DCAF17: variants seen among roughly 807,000 people sequenced by gnomAD.
The protein encoded by DCAF17 is DDB1 and CUL4 associated factor 17.
DCAF17 carries 48 observed loss-of-function variants against 66.0 expected under a neutral mutation model. That is an observed-to-expected ratio of 0.73 (90% confidence interval 0.58 to 0.92). DCAF17 has a LOEUF of 0.92. Ranked by LOEUF, DCAF17 falls within the 40% of genes least tolerant of loss-of-function variation. The pLI, the probability that DCAF17 is intolerant of heterozygous loss-of-function variation, is 0.00. For missense variants in DCAF17, 562 were observed against 622.8 expected, an observed-to-expected ratio of 0.90 and a Z score of 1.04; for synonymous variants, 206 against 214.6, an observed-to-expected ratio of 0.96 and a Z score of 0.35.
Position 171,484,649 on chromosome 2 carries a change from C to G in DCAF17, c.*3535C>G, listed in dbSNP as rs1221656402. ...ATCTTAAGTATAAATTTACTGAGTT[C>G]TTGCAGACATATACACCTGTGTAAC... is the stretch of plus-strand genomic sequence containing the variant. On this transcript the variant is annotated 3_prime_UTR_variant, in exon 14 of 14. Transcript: ENST00000375255. 2.2e-6 allele frequency: 1 copy of G among 453,732 alleles called. No individual in the cohort carries two copies. The highest frequency in any genetic ancestry group is 4.4e-6 in the Non-Finnish European group (1 of 226,676). The allele number at this position is 453,732 out of a possible 1,614,324, so 28.1% of individuals were successfully genotyped here.
At chr2:171,450,493 A>C (rs149975124) in intron 5 of DCAF17, among the ~76,000 whole-genome samples, 115 of 152,220 alleles carry the variant, frequency 7.6e-4, no homozygotes, top group African/African-American at 2.5e-3. Context: ...CCCAGGATTT[A>C]CTAGATTTTA....
At chr2:171,480,330 T>C in intron 13 of DCAF17, 137 bp downstream of exon 13, 1 of 1,094,132 alleles carries the variant, frequency 9.1e-7, no homozygotes, top group East Asian at 2.6e-5. Flanking sequence ...TTGTCCTATA[T>C]ACAGGACAAA....
At chr2:171,460,797 A>T (rs1400375924) in intron 8 of DCAF17, among the ~76,000 whole-genome samples, 2 of 152,030 alleles carry the variant, frequency 1.3e-5, no homozygotes, top group East Asian at 3.9e-4. Context: ...CATCCGCCCA[A>T]AGTGCTGGGA....
Position 171,448,667 on chromosome 2 carries a change from C to CT in DCAF17, c.322-3dup, listed in dbSNP as rs372539451. On this transcript the variant is annotated splice_polypyrimidine_tract_variant and intron_variant, in intron 3 of 13. Transcript: ENST00000375255. ...CAAGCAGTTTCATTTTTATATCTCT[C>CT]TTTTTTTTTTTAGGGAGATATACTT... 0.089 allele frequency: 97,495 copies of CT among 1,101,560 alleles called. No homozygotes were observed. Among genetic ancestry groups the CT allele is most frequent in the Non-Finnish European group, 0.095 (75,006 of 789,222 alleles). 68.2% of individuals were successfully genotyped at this position (1,101,560 alleles called of 1,614,324 possible). A position where few individuals can be genotyped will look rare whatever the true frequency, so the allele number is the denominator to read the frequency against.
intron 8 of DCAF17, among the ~76,000 whole-genome samples, chr2:171,462,165 G>A (rs565352365): frequency 1.9e-4 from 29 of 152,000 alleles, no homozygotes; most frequent in Non-Finnish European, 3.7e-4. Context: ...CTCAGTGTGG[G>A]GAAGACCTTT....
At chr2:171,454,367 C>T (rs1011142401) in intron 6 of DCAF17, among the ~76,000 whole-genome samples, 17 of 151,194 alleles carry the variant, frequency 1.1e-4, no homozygotes, top group Non-Finnish European at 1.9e-4. Flanking sequence ...CCACTGCAAT[C>T]TCTGCCTCCT....
chr2:171,483,238 A>G lies in DCAF17; in HGVS notation c.*2124A>G. 2.2e-6 allele frequency: 1 copy of G among 454,080 alleles called. No homozygotes were observed. Among genetic ancestry groups the G allele is most frequent in the Non-Finnish European group, 4.4e-6 (1 of 226,776 alleles). 28.1% of individuals were successfully genotyped at this position (454,080 alleles called of 1,614,324 possible). On this transcript the variant is annotated 3_prime_UTR_variant, in exon 14 of 14. Coordinates refer to ENST00000375255, the MANE Select transcript of DCAF17 (RefSeq NM_025000.4). Reference sequence around the variant, plus strand: ...CCAGACATTAATGTCTTCCTGCCCTACCTAAACCCCCTCTTTACCTGATAT... The same window carrying G: ...CCAGACATTAATGTCTTCCTGCCCTGCCTAAACCCCCTCTTTACCTGATAT...
intron 9 of DCAF17, among the ~76,000 whole-genome samples, chr2:171,469,968 AT>A (rs1284531694): frequency 6.6e-6 from 1 of 151,854 alleles, no homozygotes; most frequent in African/African-American, 2.4e-5. Context: ...TCAAGCTTTA[AT>A]TGTTGATATT....
In DCAF17 at chr2:171,480,122, C is replaced by T. The variant is rs1696674496; in HGVS notation, c.1351C>T (p.His451Tyr). 1 of 1,613,808 alleles carries T rather than the reference C, an allele frequency of 6.2e-7. No homozygotes were observed. The highest frequency in any genetic ancestry group is 2.2e-5 in the East Asian group (1 of 44,858). ...TCAAATAGATGCTGAAGGAAAAGCT[C>T]ACCTGGATTTCCACTGTAATGAATA... Reference protein sequence around the residue: ...VTQIDAEGKAHLDFHCNEYGT... With the variant: ...VTQIDAEGKAYLDFHCNEYGT... Residue 451 changes from histidine (H) to tyrosine (Y), a missense_variant, in exon 13 of 14, where the codon CAC becomes TAC. His to Tyr is a moderately conservative substitution (Grantham distance 83, BLOSUM62 2). Coordinates refer to ENST00000375255, the MANE Select transcript of DCAF17 (RefSeq NM_025000.4).
intron 8 of DCAF17, among the ~76,000 whole-genome samples, chr2:171,467,574 A>G (rs1695978354): frequency 6.6e-6 from 1 of 151,188 alleles, no homozygotes; most frequent in Non-Finnish European, 1.5e-5. Flanking sequence ...CCGTAATTCC[A>G]GGTGTAATAC....
At chr2:171,437,552 G>A (rs1694045698) in intron 2 of DCAF17, among the ~76,000 whole-genome samples, 2 of 152,084 alleles carry the variant, frequency 1.3e-5, no homozygotes, top group Non-Finnish European at 2.9e-5. Flanking sequence ...TCTGGGCTTG[G>A]CACTTTCTGT....
chr2:171,435,304 C>T (rs1693802744), intron 2 of DCAF17, 118 bp downstream of exon 2: 1 of 766,914 alleles, frequency 1.3e-6, no homozygotes, highest in East Asian at 2.7e-5. Context: ...AAAATGGGTC[C>T]GAAATAAGAC....
chr2:171,446,652 A>G (rs1160285495), intron 3 of DCAF17, among the ~76,000 whole-genome samples: 1 of 152,182 alleles, frequency 6.6e-6, no homozygotes, highest in African/African-American at 2.4e-5. Flanking sequence ...CAGTCTTAAT[A>G]TCTCAGGGTT....
intron 9 of DCAF17, among the ~76,000 whole-genome samples, chr2:171,473,631 G>A (rs1023372157): frequency 6.6e-6 from 1 of 152,248 alleles, no homozygotes. Flanking sequence ...ATTAACTCCT[G>A]TTTGTGAGAT....
Position 171,476,917 on chromosome 2 carries a change from T to C in DCAF17, c.1149T>C (p.Asp383=). ...GTTCTCAGCATCAGATCTCTGAAGATTTTGTCATTTTGGCCAACAGGGAGA... is the reference window on the plus strand; with the variant it reads ...GTTCTCAGCATCAGATCTCTGAAGACTTTGTCATTTTGGCCAACAGGGAGA... ...NNSSQHQISE[D]FVILANRENH... Residue 383 remains aspartate (D), a synonymous_variant, in exon 11 of 14, where the codon GAT becomes GAC. Transcript: ENST00000375255. 5.6e-6 allele frequency: 9 copies of C among 1,613,744 alleles called. No homozygotes were observed. The highest frequency in any genetic ancestry group is 7.6e-6 in the Non-Finnish European group (9 of 1,179,802).
In DCAF17 at chr2:171,482,737, A is replaced by G; in HGVS notation, c.*1623A>G. On this transcript the variant is annotated 3_prime_UTR_variant, in exon 14 of 14. Transcript: ENST00000375255. ...GTCATCACCTTCCTTTTATGAAATG[A>G]TAGTAAGGAACTCGTCTATTCTGAA... 2.2e-6 allele frequency: 1 copy of G among 452,494 alleles called. No individual in the cohort carries two copies. The allele number at this position is 452,494 out of a possible 1,614,324, so 28.0% of individuals were successfully genotyped here. A position where few individuals can be genotyped will look rare whatever the true frequency, so the allele number is the denominator to read the frequency against.
intron 10 of DCAF17, among the ~76,000 whole-genome samples, chr2:171,476,517 G>T (rs971202980): frequency 3.9e-5 from 6 of 152,166 alleles, no homozygotes; most frequent in African/African-American, 1.4e-4. Flanking sequence ...TGTTAGAGCT[G>T]AAATGTTAGA....
At chr2:171,467,184 A>G (rs889882940) in intron 8 of DCAF17, among the ~76,000 whole-genome samples, 1 of 152,060 alleles carries the variant, frequency 6.6e-6, no homozygotes, top group African/African-American at 2.4e-5. Flanking sequence ...ATTTTTTTCA[A>G]TAAATACAGG....
chr2:171,471,183 T>A (rs1324866220), intron 9 of DCAF17, among the ~76,000 whole-genome samples: 4 of 152,172 alleles, frequency 2.6e-5, no homozygotes, highest in African/African-American at 9.7e-5. Flanking sequence ...TCAGGGGAAG[T>A]TTTTAGTCCT....
Sources: gnomAD v4.1 joint callset for allele counts (sites outside exome capture counted in the v4.1 genomes callset) on GRCh38, gnomAD v4.1.1 for gene constraint, MANE v1.5 for transcripts, NCBI Gene and HGNC (gene_info 2026-07-23, HGNC 2026-07-21) for gene names.